The following NRXN3 variants were observed in gnomAD, a reference collection of about 807,000 sequenced individuals.
The protein encoded by NRXN3 is neurexin 3.
A neutral mutation model predicts 137.6 loss-of-function variants in NRXN3; 32 were observed. The observed-to-expected ratio is 0.23, with a 90% CI of 0.18 to 0.31. NRXN3 has a LOEUF of 0.31. Among genes scored for constraint, NRXN3 ranks in the 10% least tolerant of loss-of-function variants. NRXN3 has a pLI of 1.00. For synonymous variants in NRXN3, 798 were observed against 784.5 expected, an observed-to-expected ratio of 1.02 and a Z score of -0.29; for missense variants, 1,574 against 2,062.5, an observed-to-expected ratio of 0.76 and a Z score of 4.59.
At chr14:79,217,030 G>A (rs141016836) in intron 15 of NRXN3, among the ~76,000 whole-genome samples, 155 of 152,146 alleles carry the variant, frequency 1.0e-3, no homozygotes, top group South Asian at 3.7e-3. Flanking sequence ...CCAGCTACCC[G>A]GGAGGCTGAG....
At chr14:78,223,774 C>T (rs574289877) in intron 1 of NRXN3, among the ~76,000 whole-genome samples, 1 of 152,290 alleles carries the variant, frequency 6.6e-6, no homozygotes, top group African/African-American at 2.4e-5. Context: ...ACATGCTGAC[C>T]TGGGACAGGA....
At chr14:78,756,542 T>TA in intron 8 of NRXN3, among the ~76,000 whole-genome samples, 1 of 132,566 alleles carries the variant, frequency 7.5e-6, no homozygotes. Context: ...TGGGATTCTG[T>TA]CTCAAAAAAA....
chr14:79,120,625 G>C (rs901249994), intron 15 of NRXN3, among the ~76,000 whole-genome samples: 1 of 151,976 alleles, frequency 6.6e-6, no homozygotes, highest in Admixed American at 6.5e-5. Context: ...AAGCCTGAAA[G>C]TATCTACTCT....
chr14:79,577,519 C>T (rs1788760737), intron 16 of NRXN3, among the ~76,000 whole-genome samples: 1 of 152,170 alleles, frequency 6.6e-6, no homozygotes, highest in Admixed American at 6.5e-5. Context: ...AACACTCTTT[C>T]TGTGAAGTCA....
At chr14:79,314,303 C>G (rs1226767185) in intron 15 of NRXN3, among the ~76,000 whole-genome samples, 16 of 109,356 alleles carry the variant, frequency 1.5e-4, no homozygotes, top group East Asian at 5.4e-4. Context: ...AAAGGGGTGA[C>G]GGACGCACCT....
chr14:79,370,323 G>T (rs867856277), intron 15 of NRXN3, among the ~76,000 whole-genome samples: 328 of 137,460 alleles, frequency 2.4e-3, no homozygotes, highest in African/African-American at 7.9e-3. Flanking sequence ...GTTTTTTTTT[G>T]TTTTTTTTTT....
intron 16 of NRXN3, among the ~76,000 whole-genome samples, chr14:79,556,486 C>T (rs60734338): frequency 0.019 from 2,847 of 152,206 alleles, 96 homozygotes; most frequent in African/African-American, 0.066. Context: ...TTGTTGTCTG[C>T]CCCTGAGATT....
intron 10 of NRXN3, among the ~76,000 whole-genome samples, chr14:78,843,545 T>G (rs1180894490): frequency 2.6e-5 from 4 of 152,088 alleles, no homozygotes; most frequent in African/African-American, 9.7e-5. Context: ...TCACCCTCAC[T>G]TGTACAGACG....
At chr14:79,280,802 C>G in intron 15 of NRXN3, 1 of 450,634 alleles carries the variant, frequency 2.2e-6, no homozygotes, top group Non-Finnish European at 4.1e-6. Context: ...TGCACAGACA[C>G]CACACTCTCT....
chr14:79,443,430 T>C (rs2096002454), intron 15 of NRXN3, among the ~76,000 whole-genome samples: 1 of 152,200 alleles, frequency 6.6e-6, no homozygotes, highest in Admixed American at 6.5e-5. Flanking sequence ...ACATGCTTTA[T>C]AAATGATGGC....
At chr14:79,361,615 G>T (rs1402222343) in intron 15 of NRXN3, among the ~76,000 whole-genome samples, 3 of 152,092 alleles carry the variant, frequency 2.0e-5, no homozygotes, top group Non-Finnish European at 4.4e-5. Context: ...TACTTGAGAG[G>T]TTGAGGCAGG....
intron 10 of NRXN3, among the ~76,000 whole-genome samples, chr14:78,948,586 A>G (rs73325339): frequency 5.6e-5 from 8 of 143,484 alleles, no homozygotes; most frequent in Non-Finnish European, 1.2e-4. Flanking sequence ...TACAAATATG[A>G]TATTTTTCAT....
chr14:78,595,242 C>T (rs924138444), intron 4 of NRXN3, among the ~76,000 whole-genome samples: 2 of 152,126 alleles, frequency 1.3e-5, no homozygotes, highest in African/African-American at 4.8e-5. Context: ...GAGAAAACTC[C>T]CTGCTGGCCC....
In NRXN3 at chr14:78,243,037, C is replaced by A. The variant is rs557974330; in HGVS notation, c.-57C>A. 1.6e-6 allele frequency: 2 copies of A among 1,281,824 alleles called. No homozygotes were observed. Among genetic ancestry groups the A allele is most frequent in the East Asian group, 2.5e-5 (1 of 39,342 alleles). The allele number at this position is 1,281,824 out of a possible 1,614,324, so 79.4% of individuals were successfully genotyped here. A position where few individuals can be genotyped will look rare whatever the true frequency, so the allele number is the denominator to read the frequency against. ...ACTTCTATTGCCAAAGGGAGAGATC[C>A]TCTCCGGGCTGTTCCCTGGCCTGTC... On this transcript the variant is annotated 5_prime_UTR_variant, in exon 2 of 21. Transcript: ENST00000335750. This position sits in a 1 kb window ranked among gnomAD's most constrained non-coding sequence, Gnocchi z 4.2.
chr14:79,451,382 AT>A (rs1250368499), intron 15 of NRXN3, among the ~76,000 whole-genome samples: 2 of 152,124 alleles, frequency 1.3e-5, no homozygotes, highest in Non-Finnish European at 2.9e-5. Flanking sequence ...ACATAATATG[AT>A]TTTTGTGCCA....
intron 16 of NRXN3, among the ~76,000 whole-genome samples, chr14:79,565,205 T>TTG (rs2097535004): frequency 1.6e-5 from 2 of 122,692 alleles, no homozygotes; most frequent in African/African-American, 6.6e-5. Flanking sequence ...AGTTTTATGT[T>TTG]TGTGTATATA....
At chr14:79,374,621 G>T (rs905151125) in intron 15 of NRXN3, among the ~76,000 whole-genome samples, 67 of 151,910 alleles carry the variant, frequency 4.4e-4, no homozygotes, top group African/African-American at 1.4e-3. Flanking sequence ...GCATCCCTTT[G>T]TATTGACCTC....
At chr14:78,965,624 G>A (rs1008927178) in intron 11 of NRXN3, among the ~76,000 whole-genome samples, 1 of 152,158 alleles carries the variant, frequency 6.6e-6, no homozygotes, top group African/African-American at 2.4e-5. Flanking sequence ...GTTATTACGA[G>A]AAAAAATACT....
At chr14:78,721,653 C>G (rs1395668555) in intron 8 of NRXN3, among the ~76,000 whole-genome samples, 1 of 152,168 alleles carries the variant, frequency 6.6e-6, no homozygotes, top group Non-Finnish European at 1.5e-5. Flanking sequence ...GTACTGAGTA[C>G]ACTTCAGGTC....
Sources: gnomAD v4.1 joint callset for allele counts (sites outside exome capture counted in the v4.1 genomes callset) on GRCh38, gnomAD v4.1.1 for gene constraint, Gnocchi (gnomAD v3.1) non-coding constraint, MANE v1.5 for transcripts, NCBI Gene and HGNC (gene_info 2026-07-23, HGNC 2026-07-21) for gene names.